Variants in SNED1 observed in about 807,000 individuals in gnomAD.
SNED1 encodes sushi, nidogen and EGF like domains 1.
A neutral mutation model predicts 166.7 loss-of-function variants in SNED1; 81 were observed. The ratio of observed to expected loss-of-function variants is 0.49; its 90% confidence interval spans 0.41 to 0.58. The LOEUF (loss-of-function observed/expected upper bound fraction) is 0.58, where lower values mean the gene tolerates loss of function less well. SNED1 is among the 20% of genes least tolerant of loss of function. The pLI is 0.00. For missense variants in SNED1, 1,604 were observed against 2,000.2 expected (o/e 0.80, Z 3.78); for synonymous variants, 762 against 822.0 (o/e 0.93, Z 1.25).
chr2:241,038,253 A>G (rs1158063745), intron 6 of SNED1, among the ~76,000 whole-genome samples: 1 of 152,218 alleles, frequency 6.6e-6, no homozygotes, highest in Non-Finnish European at 1.5e-5. Context: ...AATGCATTCA[A>G]ATAGTGACTA....
At chr2:241,086,114 G>C (rs895242788) in intron 29 of SNED1, among the ~76,000 whole-genome samples, 1 of 152,062 alleles carries the variant, frequency 6.6e-6, no homozygotes, top group African/African-American at 2.4e-5. Context: ...TGATCGGCCC[G>C]CCTTGGCCTC....
intron 11 of SNED1, 68 bp from the exon 12 acceptor site, chr2:241,049,749 G>T: frequency 2.4e-6 from 3 of 1,263,614 alleles, no homozygotes; most frequent in Non-Finnish European, 2.3e-6. Context: ...CAAGGTGCCC[G>T]CCAGCCTCTT....
intron 29 of SNED1, among the ~76,000 whole-genome samples, chr2:241,085,034 C>A (rs1294865627): frequency 3.3e-5 from 5 of 151,996 alleles, no homozygotes. Context: ...TGTCTTCCTG[C>A]CCCTTTTATG....
intron 31 of SNED1, among the ~76,000 whole-genome samples, chr2:241,091,000 C>A (rs2063937175): frequency 6.6e-6 from 1 of 152,160 alleles, no homozygotes; most frequent in Non-Finnish European, 1.5e-5. Flanking sequence ...GATTAAGAAT[C>A]CACAAACATA....
At chr2:241,053,468 T>G in intron 16 of SNED1, 142 bp downstream of exon 16, 1 of 819,764 alleles carries the variant, frequency 1.2e-6, no homozygotes, top group Non-Finnish European at 1.9e-6. Context: ...CTCAGTCTCC[T>G]GTCTGTGAAT....
At chr2:241,004,828 T>A (rs1196534688) in intron 1 of SNED1, among the ~76,000 whole-genome samples, 1 of 152,120 alleles carries the variant, frequency 6.6e-6, no homozygotes, top group Non-Finnish European at 1.5e-5. Flanking sequence ...GTTCAAGCAA[T>A]TCTGTGCCTC....
intron 29 of SNED1, among the ~76,000 whole-genome samples, chr2:241,083,909 G>GTTTTCTATTTTTCCCACCTGCTTTT (rs1553595713): frequency 0.012 from 1,830 of 151,680 alleles, 31 homozygotes; most frequent in African/African-American, 0.042. Context: ...ATTACTATTT[G>GTTTTCTATTTTTCCCACCTGCTTTT]TTTTCTATTT....
At chr2:241,007,272 C>T (rs1381157442) in intron 1 of SNED1, among the ~76,000 whole-genome samples, 1 of 152,192 alleles carries the variant, frequency 6.6e-6, no homozygotes, top group Non-Finnish European at 1.5e-5. Context: ...GAAGCTAGAG[C>T]TTCTTGTCAG....
intron 8 of SNED1, among the ~76,000 whole-genome samples, chr2:241,042,142 G>A (rs953900761): frequency 1.3e-5 from 2 of 152,144 alleles, no homozygotes; most frequent in Non-Finnish European, 2.9e-5. Flanking sequence ...GTGCTCCTGA[G>A]GCAGGAGGGA....
At chr2:241,078,002 T>C (rs1018188989) in intron 27 of SNED1, among the ~76,000 whole-genome samples, 4 of 152,124 alleles carry the variant, frequency 2.6e-5, no homozygotes, top group African/African-American at 9.7e-5. Context: ...TGAAAACCTA[T>C]GTCCACATGA....
chr2:241,057,842 AATAAG>A (rs1257428471), intron 16 of SNED1, among the ~76,000 whole-genome samples: 1 of 152,248 alleles, frequency 6.6e-6, no homozygotes, highest in South Asian at 2.1e-4. Flanking sequence ...GTAAGATAAT[AATAAG>A]ATAATAAGAT....
At chr2:241,054,749 G>A (rs916566945) in intron 16 of SNED1, among the ~76,000 whole-genome samples, 2 of 152,230 alleles carry the variant, frequency 1.3e-5, no homozygotes, top group Admixed American at 1.3e-4. Context: ...CAGATGAAGA[G>A]TAAGTTAGTG....
At chr2:241,027,706 C>A (rs1306511084) in intron 1 of SNED1, among the ~76,000 whole-genome samples, 2 of 150,890 alleles carry the variant, frequency 1.3e-5, no homozygotes, top group Non-Finnish European at 2.9e-5. Context: ...TTCTCCACAT[C>A]TTCACCAACC....
In SNED1 at chr2:241,077,742, G is replaced by A. The variant is rs532821140; in HGVS notation, c.3917-3935G>A. Among the ~76,000 whole-genome samples, 85 of 152,278 alleles carry A rather than the reference G, an allele frequency of 5.6e-4. No individual in the cohort carries two copies. The South Asian group carries it at 0.01, about 18-fold the overall frequency. On this transcript the variant is annotated intron_variant, in intron 27 of 31. Coordinates refer to ENST00000310397, the MANE Select transcript of SNED1 (RefSeq NM_001080437.3). ...TATGCAAATGGCCAGTAATCACACCGAAAAGATCCTTGACATCATTAGTCA... is the reference window on the plus strand; with the variant it reads ...TATGCAAATGGCCAGTAATCACACCAAAAAGATCCTTGACATCATTAGTCA...
At chr2:241,079,275 A>G (rs1337749188) in intron 27 of SNED1, among the ~76,000 whole-genome samples, 2 of 143,962 alleles carry the variant, frequency 1.4e-5, no homozygotes, top group African/African-American at 2.6e-5. Context: ...AGCCGGGCGC[A>G]GTGGCAGGCG....
intron 31 of SNED1, chr2:241,089,342 A>T: frequency 1.9e-6 from 3 of 1,550,654 alleles, no homozygotes; most frequent in Non-Finnish European, 2.6e-6. Flanking sequence ...CCACTTCAAA[A>T]CAGGTCTATG....
chr2:241,095,091 G>A lies in SNED1; in HGVS notation c.*3455G>A, dbSNP rs1360364001. The A allele has an allele frequency of 6.6e-6, 1 of 150,856 alleles. No individual in the cohort carries two copies. Among genetic ancestry groups the A allele is most frequent in the Non-Finnish European group, 1.5e-5 (1 of 67,782 alleles). The allele number at this position is 150,856 out of a possible 1,614,324, so 9.3% of individuals were successfully genotyped here. ...CCCCCCCCCCACACCCACCTTGGGGGGTCACGGATTGCTCCCTGTGGCCCT... is the reference window on the plus strand; with the variant it reads ...CCCCCCCCCCACACCCACCTTGGGGAGTCACGGATTGCTCCCTGTGGCCCT... On this transcript the variant is annotated 3_prime_UTR_variant, in exon 32 of 32. Coordinates refer to ENST00000310397, the MANE Select transcript of SNED1 (RefSeq NM_001080437.3).
At chr2:241,061,489 G>A (rs753167303) in intron 16 of SNED1, among the ~76,000 whole-genome samples, 22 of 152,286 alleles carry the variant, frequency 1.4e-4, no homozygotes, top group East Asian at 3.9e-4. Flanking sequence ...GCTCATTTAC[G>A]TCAACTGTGT....
At chr2:241,016,696 T>C (rs775844356) in intron 1 of SNED1, among the ~76,000 whole-genome samples, 19 of 152,150 alleles carry the variant, frequency 1.2e-4, no homozygotes, top group Non-Finnish European at 2.5e-4. Flanking sequence ...CTGGAATTAT[T>C]TCTTGAATGT....
Sources: gnomAD v4.1 joint callset for allele counts (sites outside exome capture counted in the v4.1 genomes callset) on GRCh38, gnomAD v4.1.1 for gene constraint, MANE v1.5 for transcripts, NCBI Gene and HGNC (gene_info 2026-07-23, HGNC 2026-07-21) for gene names.